The following TMEM248 variants were observed in gnomAD, a reference collection of about 807,000 sequenced individuals.
TMEM248 encodes the protein UPF0458 protein C7orf42.
A neutral mutation model predicts 30.3 loss-of-function variants in TMEM248; 9 were observed. The observed-to-expected ratio is 0.30, with a 90% CI of 0.18 to 0.52. TMEM248 has a LOEUF of 0.52. TMEM248 is among the 20% of genes least tolerant of loss of function. TMEM248 has a pLI of 0.97. For missense variants in TMEM248, 338 were observed against 403.3 expected (o/e 0.84, Z 1.39); for synonymous variants, 184 against 154.4 (o/e 1.19, Z -1.42).
At chr7:66,954,040 C>T (rs754760082) in intron 6 of TMEM248, among the ~76,000 whole-genome samples, 130 of 147,686 alleles carry the variant, frequency 8.8e-4, no homozygotes, top group Non-Finnish European at 1.6e-3. Context: ...GCCTCCTGGG[C>T]TCAAGTGATT....
At position 66,941,860 on chromosome 7, in the gene TMEM248, A is replaced by G. The variant is rs749861961; in HGVS notation, c.-6A>G. On this transcript the variant is annotated 5_prime_UTR_variant, in exon 2 of 7. Transcript: ENST00000341567. ...TCATTTCTTTCAGGTGGAGCTGATC[A>G]GAATAATGTTCAGCATCAACCCCCT... The G allele has an allele frequency of 6.2e-7, 1 of 1,610,156 alleles. No homozygotes were observed. Among genetic ancestry groups the G allele is most frequent in the Non-Finnish European group, 8.5e-7 (1 of 1,177,870 alleles).
intron 5 of TMEM248, among the ~76,000 whole-genome samples, chr7:66,952,693 T>G (rs1792298302): frequency 6.6e-6 from 1 of 152,128 alleles, no homozygotes; most frequent in African/African-American, 2.4e-5. Context: ...GGGTAGTGAA[T>G]CACGGATGAT....
At chr7:66,955,439 G>T in intron 6 of TMEM248, 63 bp from the exon 7 acceptor site, 1 of 1,604,988 alleles carries the variant, frequency 6.2e-7, no homozygotes, top group Non-Finnish European at 8.5e-7. Flanking sequence ...TGGTCTTTGG[G>T]TAGGGGCTGA....
chr7:66,929,721 C>T (rs907198718), intron 1 of TMEM248, among the ~76,000 whole-genome samples: 1 of 151,986 alleles, frequency 6.6e-6, no homozygotes, highest in African/African-American at 2.4e-5. Flanking sequence ...TCTGTGAGCA[C>T]CCGGCTCAGA....
intron 1 of TMEM248, among the ~76,000 whole-genome samples, chr7:66,938,627 C>T (rs1316166004): frequency 6.6e-6 from 1 of 152,182 alleles, no homozygotes; most frequent in Non-Finnish European, 1.5e-5. Flanking sequence ...CCTGCTTCAG[C>T]CTCCCAACTA....
At chr7:66,934,606 G>GAT (rs1791753932) in intron 1 of TMEM248, among the ~76,000 whole-genome samples, 1 of 152,150 alleles carries the variant, frequency 6.6e-6, no homozygotes. Context: ...TATTTCTGTT[G>GAT]ATATAATTGT....
At chr7:66,953,939 CTTTT>C (rs34925648) in intron 6 of TMEM248, among the ~76,000 whole-genome samples, 9,224 of 83,670 alleles carry the variant, frequency 0.11, 238 homozygotes, top group Non-Finnish European at 0.12. Context: ...AGATTACTTT[CTTTT>C]TTTTTTTTTT....
intron 2 of TMEM248, among the ~76,000 whole-genome samples, chr7:66,942,259 A>C (rs1045576999): frequency 1.5e-4 from 23 of 152,242 alleles, no homozygotes; most frequent in Non-Finnish European, 2.5e-4. Context: ...CTATTTTAGC[A>C]GTGAAACATG....
chr7:66,938,101 G>T lies in TMEM248; in HGVS notation c.-18-3747G>T, dbSNP rs539993243. ...TGTAGGCAACACATCGTTGGATCTGGTTTTTTTATTCATTCAGCCACTGTG... is the reference window on the plus strand; with the variant it reads ...TGTAGGCAACACATCGTTGGATCTGTTTTTTTTATTCATTCAGCCACTGTG... On this transcript the variant is annotated intron_variant, in intron 1 of 6. Coordinates refer to ENST00000341567, the MANE Select transcript of TMEM248 (RefSeq NM_017994.5). Among the ~76,000 whole-genome samples the T allele has an allele frequency of 4.4e-4, 67 of 152,170 alleles. No homozygotes were observed. In the South Asian group the frequency reaches 0.011, roughly 26 times the overall value.
At chr7:66,921,904 CCT>C (rs1021813884) in intron 1 of TMEM248, 14 of 152,286 alleles carry the variant, frequency 9.2e-5, no homozygotes, top group African/African-American at 3.4e-4. Context: ...AGTGGTGTTC[CCT>C]GTGTCAAGCT....
intron 1 of TMEM248, among the ~76,000 whole-genome samples, chr7:66,934,802 AAC>A (rs2129222340): frequency 1.3e-5 from 2 of 152,300 alleles, no homozygotes; most frequent in East Asian, 3.9e-4. Flanking sequence ...CTATAATCCC[AAC>A]ACTGTGGGAG....
intron 1 of TMEM248, among the ~76,000 whole-genome samples, chr7:66,938,465 A>C (rs1305538991): frequency 6.6e-6 from 1 of 152,108 alleles, no homozygotes; most frequent in Non-Finnish European, 1.5e-5. Flanking sequence ...TATGTGAATT[A>C]TTTCTTAATA....
At chr7:66,930,315 T>A (rs964547756) in intron 1 of TMEM248, among the ~76,000 whole-genome samples, 1 of 151,812 alleles carries the variant, frequency 6.6e-6, no homozygotes, top group Non-Finnish European at 1.5e-5. Context: ...TGGAGGTGAG[T>A]AGGTACATAA....
At chr7:66,948,837 G>T (rs545214008) in intron 4 of TMEM248, 143 bp downstream of exon 4, 12 of 901,786 alleles carry the variant, frequency 1.3e-5, no homozygotes, top group Middle Eastern at 7.0e-4. Flanking sequence ...CTATCTAAAG[G>T]ATTATTTAAT....
At chr7:66,954,028 C>G (rs1000284885) in intron 6 of TMEM248, among the ~76,000 whole-genome samples, 2 of 147,484 alleles carry the variant, frequency 1.4e-5, no homozygotes. Context: ...ACTGCAACCT[C>G]TGCCTCCTGG....
intron 1 of TMEM248, among the ~76,000 whole-genome samples, chr7:66,941,220 A>C (rs958861160): frequency 2.5e-4 from 38 of 152,018 alleles, no homozygotes; most frequent in African/African-American, 8.9e-4. Flanking sequence ...ATCTCTACTA[A>C]AAATACAAAA....
chr7:66,955,675 A>G lies in TMEM248; in HGVS notation c.*153A>G, dbSNP rs1584420408. The G allele has an allele frequency of 1.1e-6, 1 of 924,348 alleles. No individual in the cohort carries two copies. The highest frequency in any genetic ancestry group is 2.5e-5 in the East Asian group (1 of 39,732). The allele number at this position is 924,348 out of a possible 1,614,324, so 57.3% of individuals were successfully genotyped here. A position where few individuals can be genotyped will look rare whatever the true frequency, so the allele number is the denominator to read the frequency against. On this transcript the variant is annotated 3_prime_UTR_variant, in exon 7 of 7. Transcript: ENST00000341567. ...TTTCAAGTGCCTGTAACTGATTTGT[A>G]CATATTTATAAAAATCTATTCAGAA...
chr7:66,948,612 G>A lies in TMEM248; in HGVS notation c.514G>A (p.Ala172Thr), dbSNP rs201691446. Residue 172 changes from alanine to threonine, a missense_variant, in exon 4 of 7, where the codon GCC becomes ACC. Transcript: ENST00000341567. ...LPTAWSSDDC[A>T]LHGHCEQVVF... is the part of the protein sequence containing the mutation. ...TACAGCGTGGAGCTCAGATGACTGCGCCCTCCACGGTCACTGTGAGCAGGT... is the reference window on the plus strand; with the variant it reads ...TACAGCGTGGAGCTCAGATGACTGCACCCTCCACGGTCACTGTGAGCAGGT... The A allele has an allele frequency of 3.4e-5, 55 of 1,614,132 alleles. No homozygotes were observed. In the Admixed American group the frequency reaches 6.0e-4, roughly 18 times the overall value.
chr7:66,927,603 A>AT (rs1562936447), intron 1 of TMEM248, among the ~76,000 whole-genome samples: 2 of 147,330 alleles, frequency 1.4e-5, no homozygotes, highest in African/African-American at 2.5e-5. Context: ...TGCCCAGCTA[A>AT]TTTTTTTTAA....
Sources: gnomAD v4.1 joint callset for allele counts (sites outside exome capture counted in the v4.1 genomes callset) on GRCh38, gnomAD v4.1.1 for gene constraint, MANE v1.5 for transcripts, NCBI Gene and HGNC (gene_info 2026-07-23, HGNC 2026-07-21) for gene names.